Variants in ATP13A2 observed in about 807,000 individuals in gnomAD.
ATP13A2 encodes the protein ATPase cation transporting 13A2.
Under a neutral mutation model 138.3 loss-of-function variants are expected in ATP13A2, and 83 were observed. The ratio of observed to expected loss-of-function variants is 0.60; its 90% CI spans 0.50 to 0.72. The LOEUF is 0.72. Ranked by LOEUF, ATP13A2 falls within the 30% of genes least tolerant of loss-of-function variation. The pLI is 0.00. For missense variants in ATP13A2, 1,402 were observed against 1,606.4 expected (o/e 0.87, Z 2.17); for synonymous variants, 663 against 699.0 (o/e 0.95, Z 0.81).
intron 8 of ATP13A2, 138 bp from the exon 9 acceptor site, chr1:17,000,672 T>G: frequency 8.6e-7 from 1 of 1,161,484 alleles, no homozygotes; most frequent in Non-Finnish European, 1.2e-6. Context: ...TCCTGGTCAA[T>G]CCCATCCCCA....
At chr1:16,997,326 A>G (rs1344320280) in intron 11 of ATP13A2, 151 bp from the exon 12 acceptor site, 2 of 940,030 alleles carry the variant, frequency 2.1e-6, no homozygotes, top group Non-Finnish European at 3.2e-6. Flanking sequence ...TTTTACAGAG[A>G]GGAACACTGA....
At chr1:17,000,750 TG>T (rs979418076) in intron 8 of ATP13A2, 52 of 612,054 alleles carry the variant, frequency 8.5e-5, no homozygotes, top group Non-Finnish European at 1.4e-4. Flanking sequence ...ATGACCAGCC[TG>T]GGCAACATGG....
Position 16,988,040 on chromosome 1 carries a change from C to T in ATP13A2, c.2859+98G>A, listed in dbSNP as rs922526576. 1.5e-4 allele frequency: 169 copies of T among 1,109,286 alleles called. 2 individuals carry two copies. In the African/African-American group the frequency reaches 2.1e-3, roughly 14 times the overall value. 68.7% of individuals were successfully genotyped at this position (1,109,286 alleles called of 1,614,324 possible). The stretch of plus-strand genomic sequence containing the variant: ...GTGGCAGGGTCAGGATCTGGGCCCA[C>T]GTCATCTATTCTGGGACCTGCCAGC... On this transcript the variant is annotated intron_variant, in intron 25 of 28. Transcript: ENST00000326735.
rs2077482958 is a variant in ATP13A2, at chr1:17,004,664, G to A, written c.477+28C>T. ...ACAGATCATGAAACCGAGGCCGAGA[G>A]AGGGGCAAGGACTTTTTCAGAACCC... On this transcript the variant is annotated intron_variant, in intron 5 of 28. Transcript: ENST00000326735. The surrounding 1 kb of genome is among the most constrained non-coding windows in gnomAD (Gnocchi z 4.1). The A allele has an allele frequency of 6.2e-7, 1 of 1,613,956 alleles. No individual in the cohort carries two copies. Among genetic ancestry groups the A allele is most frequent in the Non-Finnish European group, 8.5e-7 (1 of 1,180,022 alleles).
In ATP13A2 at chr1:16,996,174, G is replaced by T. The variant is rs745407233; in HGVS notation, c.1354-10C>A. On this transcript the variant is annotated splice_polypyrimidine_tract_variant and intron_variant, in intron 14 of 28. Transcript: ENST00000326735. Reference sequence around the variant, plus strand: ...TCTCATTCAGAGGCACCTGGCAGGGGGCACCATGAATGTGAGCACCTGGCT... The same window carrying T: ...TCTCATTCAGAGGCACCTGGCAGGGTGCACCATGAATGTGAGCACCTGGCT... 3.1e-6 allele frequency: 5 copies of T among 1,614,154 alleles called. No homozygotes were observed. The highest frequency in any genetic ancestry group is 4.2e-6 in the Non-Finnish European group (5 of 1,180,044).
In ATP13A2 at chr1:17,011,617, C is replaced by T; in HGVS notation, c.10+112G>A. The T allele has an allele frequency of 7.5e-7, 1 of 1,337,176 alleles. No individual in the cohort carries two copies. The highest frequency in any genetic ancestry group is 1.6e-5 in the South Asian group (1 of 64,174). The allele number at this position is 1,337,176 out of a possible 1,614,324, so 82.8% of individuals were successfully genotyped here. ...CCCCAACCAGGTCCCGCTTCCTGGG[C>T]TCGCGACCCCGCGGTGGGGGGCGTC... On this transcript the variant is annotated intron_variant, in intron 1 of 28. Coordinates refer to ENST00000326735, the MANE Select transcript of ATP13A2 (RefSeq NM_022089.4). This position sits in a 1 kb window ranked among gnomAD's most constrained non-coding sequence, Gnocchi z 7.3.
chr1:16,997,827 T>A (rs1238316295), intron 11 of ATP13A2, among the ~76,000 whole-genome samples: 4 of 118,200 alleles, frequency 3.4e-5, no homozygotes, highest in Non-Finnish European at 6.4e-5. Flanking sequence ...GACAACAGAG[T>A]GAAACTCTGT....
At chr1:17,010,892 C>A (rs2077760167) in intron 1 of ATP13A2, among the ~76,000 whole-genome samples, 2 of 152,126 alleles carry the variant, frequency 1.3e-5, no homozygotes, top group South Asian at 2.1e-4. Context: ...TGGTTCCCGG[C>A]GGCGGGGAGC....
In ATP13A2 at chr1:17,005,407, G is replaced by C; in HGVS notation, c.255C>G (p.Ala85=). ...LRLRPCNLAH[A]ETLVIEIRDK... is the part of the protein sequence containing the mutation. ...CTCTTATTTCGATAACGAGTGTTTC[G>C]GCGTGGGCCAGGTTGCAGGGCCGGA... Residue 85 remains alanine (A), a synonymous_variant, in exon 3 of 29, where the codon GCC becomes GCG. Coordinates refer to ENST00000326735, the MANE Select transcript of ATP13A2 (RefSeq NM_022089.4). 3 of 1,611,046 alleles carry C rather than the reference G, an allele frequency of 1.9e-6. No individual in the cohort carries two copies. The highest frequency in any genetic ancestry group is 1.1e-5 in the South Asian group (1 of 90,662).
chr1:17,008,428 C>T (rs1028005736), intron 1 of ATP13A2, among the ~76,000 whole-genome samples: 2 of 152,202 alleles, frequency 1.3e-5, no homozygotes, highest in Non-Finnish European at 2.9e-5. Flanking sequence ...CATTTCTCAT[C>T]TCTAGGATGA....
intron 11 of ATP13A2, among the ~76,000 whole-genome samples, chr1:16,999,197 G>T (rs767176742): frequency 6.6e-6 from 1 of 151,534 alleles, no homozygotes. Flanking sequence ...TCTGACCAAC[G>T]TGGTGAAACC....
Position 17,005,709 on chromosome 1 carries a change from G to A in ATP13A2, c.80C>T (p.Pro27Leu), listed in dbSNP as rs768964549. The change falls in exon 2 of 29, where the codon CCC (proline) becomes CTC (leucine). Residue 27 changes from proline to leucine, a missense_variant. Pro to Leu is a moderately conservative substitution (Grantham distance 98). Coordinates refer to ENST00000326735, the MANE Select transcript of ATP13A2 (RefSeq NM_022089.4). ...GTLTIGTSID[P>L]LSSSVSSVRL... is the part of the protein sequence containing the mutation. ...CACGGATGAAACTGAGGAGCTGAGG[G>A]GATCTATTGATGTCCCTATCGTCAG... The A allele has an allele frequency of 6.2e-7, 1 of 1,613,906 alleles. No individual in the cohort carries two copies. Among genetic ancestry groups the A allele is most frequent in the South Asian group, 1.1e-5 (1 of 90,992 alleles).
chr1:16,997,117 T>C lies in ATP13A2; in HGVS notation c.1098A>G (p.Ala366=). 6.2e-7 allele frequency: 1 copy of C among 1,613,816 alleles called. No individual in the cohort carries two copies. Among genetic ancestry groups the C allele is most frequent in the Non-Finnish European group, 8.5e-7 (1 of 1,180,034 alleles). The change falls in exon 12 of 29, where the codon GCA becomes GCG. Residue 366 remains alanine, a synonymous_variant. Coordinates refer to ENST00000326735, the MANE Select transcript of ATP13A2 (RefSeq NM_022089.4). ...AGAGTGTGTGCCGCCGGTGTGTCTC[T>C]GCACAGTAGGGCCCCAGCCCCTCCG... is the stretch of plus-strand genomic sequence containing the variant. ...ALPEGLGPYC[A]ETHRRHTLFC...
Position 16,992,337 on chromosome 1 carries a change from C to T in ATP13A2, c.1911G>A (p.Met637Ile). ...CCCCTGGCCACGCCACCACCACACT[C>T]ATGCGCTGCAGAGCCGAAGAGAAGG... The part of the protein sequence containing the change: ...RFPFSSALQR[M>I]SVVVAWPGAT... Residue 637 changes from methionine (M) to isoleucine (I), a missense_variant, in exon 18 of 29, where the codon ATG becomes ATA. Physicochemically the swap from Met to Ile is conservative, Grantham distance 10. Coordinates refer to ENST00000326735, the MANE Select transcript of ATP13A2 (RefSeq NM_022089.4). The T allele has an allele frequency of 6.2e-7, 1 of 1,612,996 alleles. No homozygotes were observed. Among genetic ancestry groups the T allele is most frequent in the Non-Finnish European group, 8.5e-7 (1 of 1,179,806 alleles).
At position 16,996,170 on chromosome 1, in the gene ATP13A2, A is replaced by AG. The variant is rs1245582901; in HGVS notation, c.1354-7dup. 1 of 1,614,172 alleles carries AG rather than the reference A, an allele frequency of 6.2e-7. No homozygotes were observed. The stretch of plus-strand genomic sequence containing the variant: ...ACAATCTCATTCAGAGGCACCTGGC[A>AG]GGGGGCACCATGAATGTGAGCACCT... On this transcript the variant is annotated splice_polypyrimidine_tract_variant and splice_region_variant and intron_variant, in intron 14 of 28. Transcript: ENST00000326735.
intron 19 of ATP13A2, 23 bp downstream of exon 19, chr1:16,991,986 G>A (rs893089570): frequency 6.2e-6 from 10 of 1,610,644 alleles, no homozygotes; most frequent in Non-Finnish European, 8.5e-6. Context: ...CCTCAGAGTG[G>A]GTGGGACAGG....
Position 16,993,319 on chromosome 1 carries a change from A to C in ATP13A2, c.1749+310T>G, listed in dbSNP as rs1417090664. On this transcript the variant is annotated intron_variant, in intron 16 of 28. Transcript: ENST00000326735. ...TAGCCTCGCCCTCCCGGGCTCAATT[A>C]ATCCTCCCACCTCAGCCTCCTGGGA... Among the ~76,000 whole-genome samples, 11 of 151,912 alleles carry C rather than the reference A, an allele frequency of 7.2e-5. No homozygotes were observed. The East Asian group carries it at 1.7e-3, about 24-fold the overall frequency.
chr1:16,997,240 C>G, intron 11 of ATP13A2, 65 bp from the exon 12 acceptor site: 1 of 1,597,510 alleles, frequency 6.3e-7, no homozygotes, highest in Admixed American at 1.7e-5. Flanking sequence ...ACCAGGAGTT[C>G]TGTGTAGAAT....
In ATP13A2 at chr1:17,004,610, G is replaced by C; in HGVS notation, c.477+82C>G. The C allele has an allele frequency of 6.2e-7, 1 of 1,612,484 alleles. No individual in the cohort carries two copies. The highest frequency in any genetic ancestry group is 8.5e-7 in the Non-Finnish European group (1 of 1,179,088). ...GGACAACAGAACTAAAAGGTGGTGG[G>C]AGAACATGAAGTCTGACTCTCCCAT... is the stretch of plus-strand genomic sequence containing the variant. On this transcript the variant is annotated intron_variant, in intron 5 of 28. Coordinates refer to ENST00000326735, the MANE Select transcript of ATP13A2 (RefSeq NM_022089.4). The surrounding 1 kb of genome is among the most constrained non-coding windows in gnomAD (Gnocchi z 4.1).
Sources: gnomAD v4.1 joint callset for allele counts (sites outside exome capture counted in the v4.1 genomes callset) on GRCh38, gnomAD v4.1.1 for gene constraint, Gnocchi (gnomAD v3.1) non-coding constraint, MANE v1.5 for transcripts, NCBI Gene and HGNC (gene_info 2026-07-23, HGNC 2026-07-21) for gene names.